The following CYP4B1 variants were observed in gnomAD, a reference collection of about 807,000 sequenced individuals.
CYP4B1 encodes cytochrome P450 family 4 subfamily B member 1.
A neutral mutation model predicts 54.0 loss-of-function variants in CYP4B1; 45 were observed. That is an observed-to-expected ratio of 0.83 (90% confidence interval 0.66 to 1.07). CYP4B1 has a LOEUF of 1.07. Ranked by LOEUF, CYP4B1 falls within the 50% of genes least tolerant of loss-of-function variation. The pLI, the probability that CYP4B1 is intolerant of heterozygous loss-of-function variation, is 0.00. For synonymous variants in CYP4B1, 248 were observed against 247.5 expected, an observed-to-expected ratio of 1.00 and a Z score of -0.02; for missense variants, 656 against 655.4, an observed-to-expected ratio of 1.00 and a Z score of -0.01.
intron 1 of CYP4B1, among the ~76,000 whole-genome samples, chr1:46,802,294 C>T (rs1428504337): frequency 2.0e-5 from 3 of 152,072 alleles, no homozygotes; most frequent in Non-Finnish European, 2.9e-5. Context: ...GTGAGAGTGC[C>T]CTTGACCTTG....
At position 46,815,126 on chromosome 1, in the gene CYP4B1, C is replaced by T. The variant is rs1255602659; in HGVS notation, c.935C>T (p.Thr312Ile). ...GCAGACCTCCGGGCTGAAGTGGACA[C>T]ATTCATGTTTGAAGGCCATGACACC... ...SDADLRAEVD[T>I]FMFEGHDTTT... Residue 312 changes from threonine to isoleucine, a missense_variant, in exon 8 of 12, where the codon ACA (threonine) becomes ATA (isoleucine). Coordinates refer to ENST00000371923, the MANE Select transcript of CYP4B1 (RefSeq NM_001099772.2). 6 of 1,614,216 alleles carry T rather than the reference C, an allele frequency of 3.7e-6. No homozygotes were observed. In the South Asian group the frequency reaches 4.4e-5, roughly 12 times the overall value.
rs543922278 is a variant in CYP4B1, at chr1:46,806,677, C to T, written c.181-4131C>T. On this transcript the variant is annotated intron_variant, in intron 1 of 11. Transcript: ENST00000371923. ...AGGAAAGTGGTGACGTATGCTTGCT[C>T]TTCCCAATCCCTCCAGTGGTTTATT... 2.6e-5 allele frequency: 4 copies of T among 152,358 alleles called. No individual in the cohort carries two copies. In the South Asian group the frequency reaches 8.3e-4, roughly 32 times the overall value. The allele number at this position is 152,358 out of a possible 1,614,324, so 9.4% of individuals were successfully genotyped here. A position where few individuals can be genotyped will look rare whatever the true frequency, so the allele number is the denominator to read the frequency against.
chr1:46,818,063 GT>G (rs1465683257), intron 10 of CYP4B1, 34 bp downstream of exon 10: 1 of 1,613,646 alleles, frequency 6.2e-7, no homozygotes, highest in Non-Finnish European at 8.5e-7. Flanking sequence ...ATCAGACAGG[GT>G]GGGGGACTGG....
At chr1:46,799,965 G>A (rs1476321746) in intron 1 of CYP4B1, among the ~76,000 whole-genome samples, 1 of 152,188 alleles carries the variant, frequency 6.6e-6, no homozygotes, top group African/African-American at 2.4e-5. Flanking sequence ...GGAATCAACT[G>A]GGAGGAGCAA....
chr1:46,818,103 A>G (rs757730950), intron 10 of CYP4B1, 28 bp from the exon 11 acceptor site: 2 of 1,613,696 alleles, frequency 1.2e-6, no homozygotes, highest in Non-Finnish European at 1.7e-6. Flanking sequence ...GAACCTGGCG[A>G]GTGTTTAAGC....
intron 3 of CYP4B1, 123 bp from the exon 4 acceptor site, chr1:46,812,373 G>T: frequency 8.9e-7 from 1 of 1,123,108 alleles, no homozygotes; most frequent in Non-Finnish European, 1.3e-6. Flanking sequence ...GGCAATACTG[G>T]GTCGCTTAGT....
chr1:46,818,877 A>G lies in CYP4B1; in HGVS notation c.*63A>G. 2 of 1,562,094 alleles carry G rather than the reference A, an allele frequency of 1.3e-6. No homozygotes were observed. The highest frequency in any genetic ancestry group is 2.3e-5 in the South Asian group (2 of 87,118). On this transcript the variant is annotated 3_prime_UTR_variant, in exon 12 of 12. Transcript: ENST00000371923. Reference sequence around the variant, plus strand: ...GACCTCCCTGGGCACCACCCTCCCCAGGCTGGGTGTGGAGGAGTTGGGGCC... The same window carrying G: ...GACCTCCCTGGGCACCACCCTCCCCGGGCTGGGTGTGGAGGAGTTGGGGCC...
At chr1:46,811,571 T>C (rs1679102280) in intron 3 of CYP4B1, among the ~76,000 whole-genome samples, 1 of 152,162 alleles carries the variant, frequency 6.6e-6, no homozygotes, top group Non-Finnish European at 1.5e-5. Context: ...GCTGTGAGGC[T>C]GTCGGGGTGG....
Position 46,817,147 on chromosome 1 carries a change from T to G in CYP4B1, c.1173T>G (p.Pro391=), listed in dbSNP as rs2148412302. The G allele has an allele frequency of 6.2e-7, 1 of 1,614,180 alleles. No homozygotes were observed. The highest frequency in any genetic ancestry group is 1.3e-5 in the African/African-American group (1 of 75,054). Residue 391 remains proline (P), a synonymous_variant, in exon 9 of 12, where the codon CCT becomes CCG. Transcript: ENST00000371923. The part of the protein sequence containing the change: ...VPQVYRQLSK[P]VTFVDGRSLP... ...AGGTGTACCGCCAGCTCAGCAAGCC[T>G]GTCACCTTTGTGGATGGCCGGTCTC...
rs559522850 is a variant in CYP4B1 at position 46,817,291 on chromosome 1, G to A, written c.1207+110G>A. On this transcript the variant is annotated intron_variant, in intron 9 of 11. Transcript: ENST00000371923. The stretch of plus-strand genomic sequence containing the variant: ...TTTTGGGGAAGAGCTCAGGCTTTGC[G>A]TTCAGAGAGCCCTGGGTCTAAATCC... 219 of 1,336,310 alleles carry A rather than the reference G, an allele frequency of 1.6e-4. 1 individual carries two copies. The African/African-American group carries it at 2.6e-3, about 16-fold the overall frequency. 82.8% of individuals were successfully genotyped at this position (1,336,310 alleles called of 1,614,324 possible). A position where few individuals can be genotyped will look rare whatever the true frequency, so the allele number is the denominator to read the frequency against.
intron 1 of CYP4B1, among the ~76,000 whole-genome samples, chr1:46,802,188 T>G (rs1181911904): frequency 6.6e-6 from 1 of 150,776 alleles, no homozygotes; most frequent in African/African-American, 2.5e-5. Context: ...TTGGTGTGTG[T>G]GGGTGTGTGT....
Position 46,802,900 on chromosome 1 carries a change from A to G in CYP4B1, c.180+3639A>G, listed in dbSNP as rs372816303. Among the ~76,000 whole-genome samples, 22 of 152,378 alleles carry G rather than the reference A, an allele frequency of 1.4e-4. No homozygotes were observed. The East Asian group carries it at 1.9e-3, about 13-fold the overall frequency. On this transcript the variant is annotated intron_variant, in intron 1 of 11. Coordinates refer to ENST00000371923, the MANE Select transcript of CYP4B1 (RefSeq NM_001099772.2). ...GGTAGAAACCTGTGGCAGGAAGTGC[A>G]GAAGAAAAGGCAGAAGGTGCTCTCT... is the stretch of plus-strand genomic sequence containing the variant.
At chr1:46,807,205 T>C (rs1208248639) in intron 1 of CYP4B1, among the ~76,000 whole-genome samples, 1 of 152,178 alleles carries the variant, frequency 6.6e-6, no homozygotes, top group Non-Finnish European at 1.5e-5. Flanking sequence ...GCAAGCTGGC[T>C]GCGACCTCGA....
intron 8 of CYP4B1, among the ~76,000 whole-genome samples, chr1:46,816,561 C>T (rs1294236218): frequency 6.8e-6 from 1 of 147,658 alleles, no homozygotes; most frequent in Non-Finnish European, 1.5e-5. Context: ...GCCTGAGCTT[C>T]CCGGTTGCCA....
intron 1 of CYP4B1, among the ~76,000 whole-genome samples, chr1:46,805,670 T>C (rs1219081145): frequency 6.6e-6 from 1 of 152,244 alleles, no homozygotes; most frequent in Non-Finnish European, 1.5e-5. Flanking sequence ...ACCTCACAGC[T>C]GAATCCCCAA....
At position 46,810,853 on chromosome 1, in the gene CYP4B1, C is replaced by T. The variant is rs2148404383; in HGVS notation, c.226C>T (p.Gln76Ter). Residue 76 changes from glutamine to a stop codon, truncating the protein, a stop_gained, in exon 2 of 12, where the codon CAG becomes TAG. Transcript: ENST00000371923. LOFTEE classifies it high-confidence loss of function. ...SLDKVVSWAH[Q>*]FPYAHPLWFG... The stretch of plus-strand genomic sequence containing the variant: ...GGACAAAGTGGTGTCCTGGGCCCAC[C>T]AGTTCCCGTATGCCCACCCACTCTG... 1 of 1,614,102 alleles carries T rather than the reference C, an allele frequency of 6.2e-7. No individual in the cohort carries two copies. Among genetic ancestry groups the T allele is most frequent in the East Asian group, 2.2e-5 (1 of 44,868 alleles).
chr1:46,816,992 C>A, intron 8 of CYP4B1, 56 bp from the exon 9 acceptor site: 1 of 1,598,046 alleles, frequency 6.3e-7, no homozygotes. Context: ...GGTCTGCTTT[C>A]TCGCCAAATC....
chr1:46,815,391 C>A (rs762373084), intron 8 of CYP4B1, 127 bp downstream of exon 8: 3 of 841,284 alleles, frequency 3.6e-6, no homozygotes, highest in Non-Finnish European at 5.2e-6. Context: ...CAGTGTCATA[C>A]CTTTTGTGGT....
rs3766196 is a variant in CYP4B1, at chr1:46,818,854, C to T, written c.*40C>T. 1.2e-6 allele frequency: 2 copies of T among 1,600,140 alleles called. No homozygotes were observed. Among genetic ancestry groups the T allele is most frequent in the Admixed American group, 1.7e-5 (1 of 59,658 alleles). On this transcript the variant is annotated 3_prime_UTR_variant, in exon 12 of 12. Coordinates refer to ENST00000371923, the MANE Select transcript of CYP4B1 (RefSeq NM_001099772.2). ...GGGTCCCAGATGGCTCAGGCTGTGA[C>T]CTCCCTGGGCACCACCCTCCCCAGG...
Sources: gnomAD v4.1 joint callset for allele counts (sites outside exome capture counted in the v4.1 genomes callset) on GRCh38, gnomAD v4.1.1 for gene constraint, MANE v1.5 for transcripts, NCBI Gene and HGNC (gene_info 2026-07-23, HGNC 2026-07-21) for gene names.